Variants in UBA2 observed in about 807,000 individuals in gnomAD.
UBA2 encodes the protein ubiquitin like modifier activating enzyme 2, also known as SUMO-activating enzyme subunit 2.
UBA2 carries 11 observed loss-of-function variants against 77.2 expected under a neutral mutation model. The ratio of observed to expected loss-of-function variants is 0.14; its 90% CI spans 0.09 to 0.24. The LOEUF is 0.24. UBA2 is among the 10% of genes least tolerant of loss of function. The probability of loss-of-function intolerance (pLI) is 1.00; values close to 1 mark genes in which losing one functional copy is unlikely to be tolerated. For missense variants in UBA2, 487 were observed against 781.7 expected, an observed-to-expected ratio of 0.62 and a Z score of 4.50; for synonymous variants, 278 against 276.7, an observed-to-expected ratio of 1.00 and a Z score of -0.05.
At chr19:34,446,723 C>T (rs553307965) in intron 8 of UBA2, among the ~76,000 whole-genome samples, 20 of 152,154 alleles carry the variant, frequency 1.3e-4, no homozygotes, top group African/African-American at 4.6e-4. Context: ...ATTCTCCTGC[C>T]TCAGCCTCCT....
At chr19:34,440,035 T>TA (rs1268441257) in intron 6 of UBA2, among the ~76,000 whole-genome samples, 3 of 151,838 alleles carry the variant, frequency 2.0e-5, no homozygotes, top group Non-Finnish European at 4.4e-5. Context: ...TTTAAAAACT[T>TA]ACTAAGTGCC....
rs35028159 is a variant in UBA2 at position 34,444,044 on chromosome 19, G to GTTTTTTT, written c.649+151_649+157dup. 159 of 175,782 alleles carry GTTTTTTT rather than the reference G, an allele frequency of 9.0e-4. 1 individual carries two copies. Among genetic ancestry groups the GTTTTTTT allele is most frequent in the African/African-American group, 1.2e-3 (28 of 22,670 alleles). The allele number at this position is 175,782 out of a possible 1,614,324, so 10.9% of individuals were successfully genotyped here. ...TGTGTTTAACATGTGTTTTTTTTTT[G>GTTTTTTT]TTTTTTTTTTTTTTTTTTTTTTTTG... is the stretch of plus-strand genomic sequence containing the variant. On this transcript the variant is annotated intron_variant, in intron 7 of 16. Transcript: ENST00000246548.
At chr19:34,443,770 T>C in intron 6 of UBA2, 74 bp from the exon 7 acceptor site, 1 of 1,035,730 alleles carries the variant, frequency 9.7e-7, no homozygotes, top group Non-Finnish European at 1.5e-6. Flanking sequence ...TGCTAAATAT[T>C]TGGAATATTC....
At chr19:34,456,435 T>C (rs2075563804) in intron 12 of UBA2, among the ~76,000 whole-genome samples, 1 of 152,108 alleles carries the variant, frequency 6.6e-6, no homozygotes, top group South Asian at 2.1e-4. Context: ...TTAAAATATT[T>C]TATTTTCATG....
At chr19:34,449,013 A>C (rs2075462389) in intron 8 of UBA2, among the ~76,000 whole-genome samples, 1 of 150,760 alleles carries the variant, frequency 6.6e-6, no homozygotes, top group African/African-American at 2.4e-5. Flanking sequence ...CCCATTTCAC[A>C]TGTTGCTGTC....
intron 8 of UBA2, among the ~76,000 whole-genome samples, chr19:34,448,831 G>A (rs2075460298): frequency 6.6e-6 from 1 of 152,126 alleles, no homozygotes; most frequent in Non-Finnish European, 1.5e-5. Context: ...AGAATGAAAA[G>A]ATGGTTCAGT....
chr19:34,463,901 C>A lies in UBA2; in HGVS notation c.1499-125C>A, dbSNP rs376746661. ...TCTGAGATACTGGGGATTAGGGTTT[C>A]AACCTTTGGATTTTGGTGAACGGGA... is the stretch of plus-strand genomic sequence containing the variant. On this transcript the variant is annotated intron_variant, in intron 14 of 16. Coordinates refer to ENST00000246548, the MANE Select transcript of UBA2 (RefSeq NM_005499.3). 3 of 666,988 alleles carry A rather than the reference C, an allele frequency of 4.5e-6. No homozygotes were observed. The African/African-American group carries it at 5.5e-5, about 12-fold the overall frequency. The allele number at this position is 666,988 out of a possible 1,614,324, so 41.3% of individuals were successfully genotyped here.
At position 34,470,930 on chromosome 19, in the gene UBA2, A is replaced by G. The variant is rs1599943959; in HGVS notation, c.*1709A>G. On this transcript the variant is annotated 3_prime_UTR_variant, in exon 17 of 17. Coordinates refer to ENST00000246548, the MANE Select transcript of UBA2 (RefSeq NM_005499.3). ...TGGAGCCTTGAATTTGAGATGCTGGAAAGGGAGTCCTTCCTCCTTTCTGCA... is the reference window on the plus strand; with the variant it reads ...TGGAGCCTTGAATTTGAGATGCTGGGAAGGGAGTCCTTCCTCCTTTCTGCA... 6.6e-6 allele frequency: 1 copy of G among 152,318 alleles called. No individual in the cohort carries two copies. The highest frequency in any genetic ancestry group is 1.9e-4 in the East Asian group (1 of 5,184). The allele number at this position is 152,318 out of a possible 1,614,324, so 9.4% of individuals were successfully genotyped here.
Position 34,460,467 on chromosome 19 carries a change from TAGATAG to T in UBA2, c.1402-2_1405del. 1.3e-6 allele frequency: 2 copies of T among 1,520,526 alleles called. No homozygotes were observed. The highest frequency in any genetic ancestry group is 1.4e-5 in the African/African-American group (1 of 71,476). The allele number at this position is 1,520,526 out of a possible 1,614,324, so 94.2% of individuals were successfully genotyped here. On this transcript the variant is annotated splice_acceptor_variant and coding_sequence_variant, in exon 14 of 17. Coordinates refer to ENST00000246548, the MANE Select transcript of UBA2 (RefSeq NM_005499.3). LOFTEE classifies it high-confidence loss of function. ...TTTTGAATCCTTTTTTTTTTTTTTG[TAGATAG>T]TGAAAGAAAAATTTGCTATGGTAGC...
At chr19:34,429,791 G>A (rs975227327) in intron 1 of UBA2, among the ~76,000 whole-genome samples, 2 of 151,984 alleles carry the variant, frequency 1.3e-5, no homozygotes, top group African/African-American at 2.4e-5. Flanking sequence ...AGCTGTGTTT[G>A]CACCACTGCA....
chr19:34,468,823 C>T (rs546271525), intron 16 of UBA2, among the ~76,000 whole-genome samples: 17 of 152,252 alleles, frequency 1.1e-4, no homozygotes, highest in Admixed American at 3.9e-4. Context: ...TTACATAATG[C>T]TTGTCACAAT....
intron 5 of UBA2, among the ~76,000 whole-genome samples, 166 bp downstream of exon 5, chr19:34,435,134 A>C (rs540293527): frequency 1.3e-4 from 20 of 152,272 alleles, no homozygotes; most frequent in African/African-American, 4.6e-4. Flanking sequence ...GCAGTGGCTC[A>C]TACCTGTAAT....
chr19:34,434,119 C>T (rs57170294), intron 4 of UBA2, among the ~76,000 whole-genome samples: 8 of 152,150 alleles, frequency 5.3e-5, no homozygotes, highest in East Asian at 3.9e-4. Context: ...GTCAAAATTA[C>T]GTTTATTTTT....
intron 15 of UBA2, among the ~76,000 whole-genome samples, chr19:34,466,529 T>C (rs1420477544): frequency 6.6e-6 from 1 of 152,278 alleles, no homozygotes; most frequent in East Asian, 1.9e-4. Flanking sequence ...TGAAAGTGCA[T>C]GTAGAGTTTT....
intron 12 of UBA2, among the ~76,000 whole-genome samples, chr19:34,455,598 T>C (rs1418900274): frequency 2.6e-5 from 4 of 152,188 alleles, no homozygotes; most frequent in Non-Finnish European, 5.9e-5. Flanking sequence ...AAAAAATATC[T>C]AGTTTGCAAT....
intron 8 of UBA2, among the ~76,000 whole-genome samples, chr19:34,445,945 G>A (rs1217824773): frequency 2.0e-5 from 3 of 152,132 alleles, no homozygotes; most frequent in Admixed American, 1.3e-4. Flanking sequence ...ATCTAGACCC[G>A]TAGGTCCGTG....
rs149553268 is a variant in UBA2 at position 34,458,281 on chromosome 19, C to T, written c.1246-488C>T. Among the ~76,000 whole-genome samples the T allele has an allele frequency of 5.5e-4, 83 of 152,180 alleles. No individual in the cohort carries two copies. The East Asian group carries it at 0.015, about 27-fold the overall frequency. On this transcript the variant is annotated intron_variant, in intron 12 of 16. Transcript: ENST00000246548. ...ATTAGAAAAGAAGGTTGAGGCCGGG[C>T]GCGGTGGCTCACGCCTGTAATCCCA... is the stretch of plus-strand genomic sequence containing the variant.
At chr19:34,430,947 T>C (rs887119564) in intron 2 of UBA2, among the ~76,000 whole-genome samples, 13 of 152,134 alleles carry the variant, frequency 8.5e-5, no homozygotes, top group Non-Finnish European at 1.6e-4. Flanking sequence ...CCCCTAGAGG[T>C]TGACTACTGC....
intron 6 of UBA2, among the ~76,000 whole-genome samples, chr19:34,442,280 C>G (rs1002173462): frequency 6.6e-6 from 1 of 152,126 alleles, no homozygotes. Context: ...CAGCATTTTT[C>G]ACTCGAAGGG....
Sources: allele counts gnomAD v4.1 joint callset (sites outside exome capture counted in the v4.1 genomes callset), GRCh38; gene constraint gnomAD v4.1.1; transcripts MANE v1.5; gene names NCBI Gene and HGNC (gene_info 2026-07-23, HGNC 2026-07-21).